Variants in MCC observed in about 807,000 individuals in gnomAD.
MCC encodes MCC regulator of Wnt signaling pathway.
MCC carries 90 observed loss-of-function variants against 116.2 expected under a neutral mutation model. That is an observed-to-expected ratio of 0.77 (90% confidence interval 0.65 to 0.92). The LOEUF is 0.92. MCC is among the 40% of genes least tolerant of loss of function. MCC has a pLI of 0.00. For missense variants in MCC, 1,516 were observed against 1,312.2 expected, an observed-to-expected ratio of 1.16 and a Z score of -2.40; for synonymous variants, 578 against 510.5, an observed-to-expected ratio of 1.13 and a Z score of -1.78.
chr5:113,282,613 G>C (rs1373434304), intron 3 of MCC, among the ~76,000 whole-genome samples: 3 of 152,050 alleles, frequency 2.0e-5, no homozygotes, highest in African/African-American at 7.2e-5. Flanking sequence ...CTGTCCTGGA[G>C]TCCAATGCAC....
chr5:113,162,755 T>C (rs1216728283), intron 3 of MCC, among the ~76,000 whole-genome samples: 10 of 152,060 alleles, frequency 6.6e-5, no homozygotes, highest in Admixed American at 6.5e-4. Context: ...CACCTTAGCC[T>C]CTCAAAGTGC....
At chr5:113,138,409 G>T (rs892130421) in intron 5 of MCC, among the ~76,000 whole-genome samples, 5 of 152,170 alleles carry the variant, frequency 3.3e-5, no homozygotes, top group Admixed American at 6.5e-5. Flanking sequence ...GGTCATGAGG[G>T]TGGGGTCCTC....
At chr5:113,191,365 C>A (rs892043725) in intron 3 of MCC, among the ~76,000 whole-genome samples, 2 of 152,186 alleles carry the variant, frequency 1.3e-5, no homozygotes, top group African/African-American at 4.8e-5. Context: ...CACTTTTTAA[C>A]ATCTCTCCTT....
chr5:113,209,838 A>G (rs1763054290), intron 3 of MCC, among the ~76,000 whole-genome samples: 1 of 152,192 alleles, frequency 6.6e-6, no homozygotes, highest in African/African-American at 2.4e-5. Flanking sequence ...AAAAACACCA[A>G]GTCTGACCAG....
intron 1 of MCC, among the ~76,000 whole-genome samples, chr5:113,438,200 T>C (rs552224571): frequency 6.6e-6 from 1 of 152,224 alleles, no homozygotes; most frequent in Admixed American, 6.5e-5. Flanking sequence ...TTTTGGGTTG[T>C]GGGGGGAGTC....
chr5:113,296,347 G>T (rs753090090), intron 3 of MCC, among the ~76,000 whole-genome samples: 4 of 152,170 alleles, frequency 2.6e-5, no homozygotes, highest in African/African-American at 7.2e-5. Flanking sequence ...ATTCTAGATA[G>T]AAAATGATAC....
At chr5:113,270,351 C>T (rs1048661934) in intron 3 of MCC, among the ~76,000 whole-genome samples, 10 of 151,914 alleles carry the variant, frequency 6.6e-5, no homozygotes, top group Non-Finnish European at 1.2e-4. Context: ...GGGGGAATGC[C>T]CATGTACCTG....
chr5:113,118,539 A>G (rs754657133), intron 6 of MCC, among the ~76,000 whole-genome samples: 13 of 152,206 alleles, frequency 8.5e-5, no homozygotes, highest in Non-Finnish European at 1.5e-4. Flanking sequence ...AAACAAAAGA[A>G]AAGTGCTTTT....
intron 3 of MCC, among the ~76,000 whole-genome samples, chr5:113,325,454 T>G (rs1767529967): frequency 1.3e-5 from 2 of 151,486 alleles, no homozygotes; most frequent in African/African-American, 4.9e-5. Flanking sequence ...TTTACTGACT[T>G]AAATCTAACT....
intron 3 of MCC, among the ~76,000 whole-genome samples, chr5:113,325,452 CT>C (rs1277314944): frequency 7.0e-6 from 1 of 141,920 alleles, no homozygotes; most frequent in Non-Finnish European, 1.5e-5. Context: ...TTTTTACTGA[CT>C]TAAATCTAAC....
intron 1 of MCC, among the ~76,000 whole-genome samples, chr5:113,469,344 A>G (rs1772012062): frequency 6.7e-6 from 1 of 150,262 alleles, no homozygotes; most frequent in Non-Finnish European, 1.5e-5. Context: ...CCCTCTACAC[A>G]CTGCTTTGAA....
At chr5:113,383,575 G>A (rs892061188) in intron 2 of MCC, among the ~76,000 whole-genome samples, 4 of 151,996 alleles carry the variant, frequency 2.6e-5, no homozygotes, top group Non-Finnish European at 4.4e-5. Context: ...TATATCAAAC[G>A]TAGGCAGTAG....
intron 3 of MCC, among the ~76,000 whole-genome samples, chr5:113,300,585 C>A (rs1206351985): frequency 3.3e-5 from 5 of 152,110 alleles, no homozygotes; most frequent in Non-Finnish European, 5.9e-5. Flanking sequence ...TTTCAGAACC[C>A]TATGGAGACT....
chr5:113,439,974 T>C (rs1197083561), intron 1 of MCC, among the ~76,000 whole-genome samples: 2 of 152,078 alleles, frequency 1.3e-5, no homozygotes, highest in African/African-American at 4.8e-5. Flanking sequence ...AAGACCTCAC[T>C]GTAGCCTCAA....
At chr5:113,464,795 GAA>G (rs34958921) in intron 1 of MCC, among the ~76,000 whole-genome samples, 9 of 148,872 alleles carry the variant, frequency 6.0e-5, no homozygotes, top group East Asian at 3.9e-4. Flanking sequence ...ATAGCAACAA[GAA>G]AAAAAAAAGG....
chr5:113,445,307 C>G (rs1225691542), intron 1 of MCC, among the ~76,000 whole-genome samples: 1 of 152,146 alleles, frequency 6.6e-6, no homozygotes, highest in Non-Finnish European at 1.5e-5. Context: ...CAAACTATCT[C>G]TCTTTGCTGA....
At chr5:113,108,796 C>T (rs138542253) in intron 6 of MCC, among the ~76,000 whole-genome samples, 1,962 of 152,274 alleles carry the variant, frequency 0.013, 33 homozygotes, top group Non-Finnish European at 0.018. Flanking sequence ...GCTACACATA[C>T]TTTCTTTGGT....
intron 1 of MCC, among the ~76,000 whole-genome samples, chr5:113,408,345 A>G (rs1033362720): frequency 6.6e-5 from 10 of 152,174 alleles, no homozygotes; most frequent in Non-Finnish European, 1.3e-4. Flanking sequence ...TTCTATTTTC[A>G]AAAGAAAAAA....
intron 3 of MCC, among the ~76,000 whole-genome samples, chr5:113,175,072 G>T (rs1007313533): frequency 6.6e-6 from 1 of 152,058 alleles, no homozygotes; most frequent in South Asian, 2.1e-4. Context: ...AGAGGAGAAG[G>T]GGCCTGAGTT....
Sources: allele counts gnomAD v4.1 joint callset (sites outside exome capture counted in the v4.1 genomes callset), GRCh38; gene constraint gnomAD v4.1.1; transcripts MANE v1.5; gene names NCBI Gene and HGNC (gene_info 2026-07-23, HGNC 2026-07-21).